CACNA1C: variants seen among roughly 807,000 people sequenced by gnomAD.
CACNA1C encodes voltage-dependent L-type calcium channel subunit alpha-1C.
A neutral mutation model predicts 229.0 loss-of-function variants in CACNA1C; 30 were observed. That is an observed-to-expected ratio of 0.13 (90% CI 0.10 to 0.18). CACNA1C has a LOEUF of 0.18. Among genes scored for constraint, CACNA1C ranks in the 10% least tolerant of loss-of-function variants. The pLI, the probability that CACNA1C is intolerant of heterozygous loss-of-function variation, is 1.00. For missense variants in CACNA1C, 1,658 were observed against 2,845.0 expected (o/e 0.58, Z 9.49); for synonymous variants, 1,114 against 1,132.5 (o/e 0.98, Z 0.33).
chr12:2,466,574 G>T (rs922618686), intron 5 of CACNA1C, among the ~76,000 whole-genome samples: 4 of 152,174 alleles, frequency 2.6e-5, no homozygotes, highest in Admixed American at 2.6e-4. Context: ...TTTTTCCACT[G>T]CCTGTGTCCT....
intron 4 of CACNA1C, among the ~76,000 whole-genome samples, chr12:2,454,929 A>G (rs1335779791): frequency 6.6e-6 from 1 of 152,154 alleles, no homozygotes; most frequent in Non-Finnish European, 1.5e-5. Context: ...CTTCTCACTG[A>G]ACCACGACCC....
chr12:2,582,305 A>T (rs2060818103), intron 14 of CACNA1C, among the ~76,000 whole-genome samples: 1 of 152,204 alleles, frequency 6.6e-6, no homozygotes, highest in African/African-American at 2.4e-5. Flanking sequence ...TTACTAGCCC[A>T]TCAAATTTGT....
At chr12:2,297,438 A>T (rs1004780518) in intron 3 of CACNA1C, among the ~76,000 whole-genome samples, 1 of 152,212 alleles carries the variant, frequency 6.6e-6, no homozygotes, top group Non-Finnish European at 1.5e-5. Context: ...TAGTGCTGTT[A>T]TTATGGTTGT....
chr12:1,989,892 G>C (rs1051870159), intron 1 of CACNA1C, among the ~76,000 whole-genome samples: 1 of 152,162 alleles, frequency 6.6e-6, no homozygotes, highest in Non-Finnish European at 1.5e-5. Context: ...TCAGCTTTTT[G>C]TTAAATTAGT....
intron 1 of CACNA1C, among the ~76,000 whole-genome samples, chr12:1,985,649 G>C (rs1565828383): frequency 6.6e-6 from 1 of 152,006 alleles, no homozygotes; most frequent in Non-Finnish European, 1.5e-5. Context: ...ATTTTGGATT[G>C]CACCCTGGAC....
At chr12:2,002,214 C>G (rs923123309) in intron 1 of CACNA1C, among the ~76,000 whole-genome samples, 10 of 152,208 alleles carry the variant, frequency 6.6e-5, no homozygotes, top group Non-Finnish European at 1.0e-4. Context: ...ATCCCCCCTG[C>G]CTTCTTGTAA....
In CACNA1C at chr12:2,521,269, G is replaced by T. The variant is rs973608712; in HGVS notation, c.1390+8285G>T. Among the ~76,000 whole-genome samples the T allele has an allele frequency of 2.0e-5, 3 of 152,368 alleles. 1 individual carries two copies. The stretch of plus-strand genomic sequence containing the variant: ...GGGGCCTATGAGCAGCAGGGGCTGG[G>T]TCGGGTGTTGTGGAGGCCACACTGT... On this transcript the variant is annotated intron_variant, in intron 9 of 46. Transcript: ENST00000399655.
intron 3 of CACNA1C, among the ~76,000 whole-genome samples, chr12:2,226,125 GCACACACACACACACA>G (rs59055471): frequency 2.7e-4 from 39 of 142,872 alleles, no homozygotes; most frequent in South Asian, 7.1e-4. Flanking sequence ...ATGGGGACGC[GCACACACACACACACA>G]CACACACACA....
chr12:2,414,389 G>A (rs1336520924), intron 3 of CACNA1C, among the ~76,000 whole-genome samples: 3 of 152,218 alleles, frequency 2.0e-5, no homozygotes, highest in Admixed American at 1.3e-4. Flanking sequence ...CAAAGGTGAA[G>A]TCGTACATAA....
chr12:2,536,307 T>TA (rs2154586837), intron 9 of CACNA1C, among the ~76,000 whole-genome samples: 1 of 152,272 alleles, frequency 6.6e-6, no homozygotes, highest in South Asian at 2.1e-4. Flanking sequence ...TCATCCATAG[T>TA]AAAACTCTGA....
At chr12:2,228,760 G>A (rs1173415502) in intron 3 of CACNA1C, among the ~76,000 whole-genome samples, 1 of 152,194 alleles carries the variant, frequency 6.6e-6, no homozygotes. Flanking sequence ...GGCATGAACA[G>A]TGCCCCACTT....
intron 1 of CACNA1C, among the ~76,000 whole-genome samples, chr12:2,082,980 C>T (rs11062111): frequency 0.054 from 8,229 of 152,180 alleles, 658 homozygotes; most frequent in African/African-American, 0.17. Flanking sequence ...CCCTTTGGTT[C>T]GTTTAATCAT....
chr12:2,142,695 G>T (rs2094363457), intron 3 of CACNA1C, among the ~76,000 whole-genome samples: 2 of 151,212 alleles, frequency 1.3e-5, no homozygotes, highest in African/African-American at 4.8e-5. Flanking sequence ...CAAGGATCCT[G>T]ATCCTTGATA....
intron 3 of CACNA1C, among the ~76,000 whole-genome samples, chr12:2,303,787 C>T (rs765440131): frequency 1.1e-4 from 16 of 152,322 alleles, no homozygotes; most frequent in Admixed American, 6.5e-4. Flanking sequence ...CCGGGTGGAA[C>T]TCCAGGGGAG....
In CACNA1C at chr12:2,181,302, G is replaced by A. The variant is rs889616472; in HGVS notation, c.477+60872G>A. On this transcript the variant is annotated intron_variant, in intron 3 of 46. Transcript: ENST00000399655. The surrounding 1 kb of genome is among the most constrained non-coding windows in gnomAD (Gnocchi z 4.0). ...CACAGAGGCAGTTCCTGAGTCTCTAGTCTTGGGGCTCATGCTTGAAGTTAT... is the reference window on the plus strand; with the variant it reads ...CACAGAGGCAGTTCCTGAGTCTCTAATCTTGGGGCTCATGCTTGAAGTTAT... Among the ~76,000 whole-genome samples the A allele has an allele frequency of 6.6e-6, 1 of 152,144 alleles. No individual in the cohort carries two copies. Among genetic ancestry groups the A allele is most frequent in the African/African-American group, 2.4e-5 (1 of 41,440 alleles).
intron 1 of CACNA1C, among the ~76,000 whole-genome samples, chr12:2,055,972 G>A (rs957339798): frequency 2.6e-5 from 4 of 152,158 alleles, no homozygotes; most frequent in Admixed American, 1.3e-4. Flanking sequence ...TAAAGGGGGC[G>A]GGTGAGCCAT....
Position 2,666,526 on chromosome 12 carries a change from G to A in CACNA1C, c.4527-160G>A. On this transcript the variant is annotated intron_variant, in intron 36 of 46. Transcript: ENST00000399655. The surrounding 1 kb of genome is among the most constrained non-coding windows in gnomAD (Gnocchi z 5.3). ...GTATATTGGTTTGGGGCTGTGTCAT[G>A]CAATTCTGCAACTCTGTACTGAGTG... 1.8e-6 allele frequency: 1 copy of A among 557,442 alleles called. No homozygotes were observed. Among genetic ancestry groups the A allele is most frequent in the Non-Finnish European group, 3.2e-6 (1 of 310,370 alleles). 34.5% of individuals were successfully genotyped at this position (557,442 alleles called of 1,614,324 possible). A position where few individuals can be genotyped will look rare whatever the true frequency, so the allele number is the denominator to read the frequency against.
intron 3 of CACNA1C, among the ~76,000 whole-genome samples, chr12:2,296,245 G>C (rs1380510361): frequency 1.3e-5 from 2 of 152,222 alleles, no homozygotes; most frequent in Admixed American, 1.3e-4. Flanking sequence ...CAGTCTGTGG[G>C]CTGCAAATGC....
At chr12:2,130,168 C>A (rs1273327536) in intron 3 of CACNA1C, among the ~76,000 whole-genome samples, 2 of 148,796 alleles carry the variant, frequency 1.3e-5, no homozygotes, top group Non-Finnish European at 1.5e-5. Context: ...TCATTTAGTC[C>A]CCTCGACTAC....
Sources: gnomAD v4.1 joint callset for allele counts (sites outside exome capture counted in the v4.1 genomes callset) on GRCh38, gnomAD v4.1.1 for gene constraint, Gnocchi (gnomAD v3.1) non-coding constraint, MANE v1.5 for transcripts, NCBI Gene and HGNC (gene_info 2026-07-23, HGNC 2026-07-21) for gene names.